The following TLR2 variants were observed in gnomAD, a reference collection of about 807,000 sequenced individuals.
TLR2 encodes toll-like receptor 2.
In TLR2, 7 loss-of-function variants were observed where a neutral mutation model predicts 9.1. That is an observed-to-expected ratio of 0.77 (90% CI 0.44 to 1.44). The LOEUF is 1.44. TLR2 is among the 40% of genes most tolerant of loss of function. TLR2 has a pLI of 0.01. For synonymous variants in TLR2, 317 were observed against 344.6 expected, an observed-to-expected ratio of 0.92 and a Z score of 0.89; for missense variants, 812 against 904.6, an observed-to-expected ratio of 0.90 and a Z score of 1.31.
At chr4:153,700,639 A>G (rs1280993201) in intron 2 of TLR2, among the ~76,000 whole-genome samples, 1 of 152,248 alleles carries the variant, frequency 6.6e-6, no homozygotes, top group Admixed American at 6.5e-5. Context: ...TTGAAGAAGA[A>G]CAAGGAGGAA....
In TLR2 at chr4:153,703,841, T is replaced by TTA. The variant is rs1161269762; in HGVS notation, c.935_936dup (p.Thr313Ter). The stretch of plus-strand genomic sequence containing the variant: ...TATAGATCCAGGTAAAGTGGAAACG[T>TTA]TAACAATCCGGAGGCTGCATATTCC... On this transcript the variant is annotated frameshift_variant, in exon 3 of 3. Transcript: ENST00000642700. LOFTEE classifies it low-confidence loss of function (END_TRUNC). 6.2e-7 allele frequency: 1 copy of TTA among 1,613,926 alleles called. No homozygotes were observed. The highest frequency in any genetic ancestry group is 8.5e-7 in the Non-Finnish European group (1 of 1,179,998).
intron 2 of TLR2, among the ~76,000 whole-genome samples, chr4:153,690,588 C>T (rs548085990): frequency 2.2e-4 from 34 of 152,282 alleles, no homozygotes; most frequent in South Asian, 1.0e-3. Flanking sequence ...GTCTCCCAAA[C>T]GAGGGAACGT....
intron 2 of TLR2, among the ~76,000 whole-genome samples, chr4:153,700,193 T>A (rs1736787646): frequency 6.6e-6 from 1 of 152,128 alleles, no homozygotes; most frequent in South Asian, 2.1e-4. Context: ...ACCAAGCCAT[T>A]CATGAGGGGT....
rs1267236888 is a variant in TLR2, at chr4:153,704,686, C to T, written c.1779C>T (p.Gly593=). The T allele has an allele frequency of 1.2e-6, 2 of 1,613,558 alleles. No individual in the cohort carries two copies. Among genetic ancestry groups the T allele is most frequent in the Middle Eastern group, 1.6e-4 (1 of 6,084 alleles). ...GTCACAGGACAGCACTGGTGTCTGGCATGTGCTGTGCTCTGTTCCTGCTGA... is the reference window on the plus strand; with the variant it reads ...GTCACAGGACAGCACTGGTGTCTGGTATGTGCTGTGCTCTGTTCCTGCTGA... ...SECHRTALVS[G]MCCALFLLIL... The change falls in exon 3 of 3, where the codon GGC becomes GGT. Residue 593 remains glycine (G), a synonymous_variant. Transcript: ENST00000642700.
Position 153,704,715 on chromosome 4 carries a change from T to C in TLR2, c.1808T>C (p.Leu603Pro), listed in dbSNP as rs1180000139. The C allele has an allele frequency of 6.2e-7, 1 of 1,614,050 alleles. No homozygotes were observed. Among genetic ancestry groups the C allele is most frequent in the Non-Finnish European group, 8.5e-7 (1 of 1,180,008 alleles). Residue 603 changes from leucine to proline, a missense_variant, in exon 3 of 3, where the codon CTG becomes CCG. Leu to Pro is a moderately conservative substitution (Grantham distance 98, BLOSUM62 -3). Coordinates refer to ENST00000642700, the MANE Select transcript of TLR2 (RefSeq NM_001318789.2). ...GMCCALFLLILLTGVLCHRFH... is the reference protein window; with the variant it reads ...GMCCALFLLIPLTGVLCHRFH... ...TGCTGTGCTCTGTTCCTGCTGATCC[T>C]GCTCACGGGGGTCCTGTGCCACCGT... is the stretch of plus-strand genomic sequence containing the variant.
chr4:153,699,603 T>C lies in TLR2; in HGVS notation c.-16-3289T>C, dbSNP rs144843288. ...TAAATAACAGGATTGCCTTGAACTA[T>C]CTGTTGGTTTGTAGTGGGGCAGGGG... On this transcript the variant is annotated intron_variant, in intron 2 of 2. Coordinates refer to ENST00000642700, the MANE Select transcript of TLR2 (RefSeq NM_001318789.2). Among the ~76,000 whole-genome samples the C allele has an allele frequency of 5.2e-3, 791 of 152,302 alleles. 9 individuals carry two copies. The highest frequency in any genetic ancestry group is 0.018 in the African/African-American group (729 of 41,556).
intron 2 of TLR2, among the ~76,000 whole-genome samples, chr4:153,695,781 T>C (rs1030233184): frequency 2.6e-5 from 4 of 152,212 alleles, no homozygotes; most frequent in African/African-American, 9.6e-5. Flanking sequence ...GTTTTCTTAA[T>C]GTTTTCTTTT....
chr4:153,695,193 G>T (rs1025950901), intron 2 of TLR2, among the ~76,000 whole-genome samples: 1 of 152,184 alleles, frequency 6.6e-6, no homozygotes, highest in Admixed American at 6.5e-5. Context: ...ATACCTAGCA[G>T]TGGGATTGCT....
intron 1 of TLR2, among the ~76,000 whole-genome samples, chr4:153,687,022 AC>A (rs549775840): frequency 7.2e-4 from 110 of 152,332 alleles, no homozygotes; most frequent in African/African-American, 2.4e-3. Flanking sequence ...GTAGAAAAGA[AC>A]AGAAAAACTT....
intron 2 of TLR2, among the ~76,000 whole-genome samples, chr4:153,694,202 G>A (rs182887574): frequency 6.4e-4 from 98 of 152,326 alleles, no homozygotes; most frequent in Non-Finnish European, 1.1e-3. Context: ...GCAGGAACAC[G>A]TCCTTAAGGC....
chr4:153,692,705 G>A (rs1043123998), intron 2 of TLR2, among the ~76,000 whole-genome samples: 3 of 152,152 alleles, frequency 2.0e-5, no homozygotes, highest in Admixed American at 6.5e-5. Flanking sequence ...CCCCATTGTT[G>A]TAATAAATCT....
intron 2 of TLR2, among the ~76,000 whole-genome samples, chr4:153,691,044 C>G (rs1736077171): frequency 1.3e-5 from 2 of 152,162 alleles, no homozygotes; most frequent in South Asian, 4.1e-4. Flanking sequence ...ATATCAAAAG[C>G]AGTCAATACC....
rs373000861 is a variant in TLR2 at position 153,696,160 on chromosome 4, CT to C, written c.-16-6728del. 5.6e-4 allele frequency among the ~76,000 whole-genome samples: 85 copies of C among 152,126 alleles called. 1 individual carries two copies. The East Asian group carries it at 0.016, about 28-fold the overall frequency. On this transcript the variant is annotated intron_variant, in intron 2 of 2. Coordinates refer to ENST00000642700, the MANE Select transcript of TLR2 (RefSeq NM_001318789.2). ...CAGAATAGCTCTGGCTATTCTGGGT[CT>C]TTTGTGGTTTCATGTAAATTTTAGG... is the stretch of plus-strand genomic sequence containing the variant.
chr4:153,688,374 G>T, intron 2 of TLR2: 1 of 152,476 alleles, frequency 6.6e-6, no homozygotes, highest in South Asian at 2.1e-4. Context: ...GGACTGCTGA[G>T]ACCAGCTCGG....
chr4:153,709,162 T>C (rs1173432451), downstream of TLR2, among the ~76,000 whole-genome samples: 1 of 152,210 alleles, frequency 6.6e-6, no homozygotes, highest in Non-Finnish European at 1.5e-5. Flanking sequence ...ATTTCAATAA[T>C]ACTGAAGCAT....
Position 153,704,572 on chromosome 4 carries a change from G to T in TLR2, c.1665G>T (p.Leu555Phe). The change falls in exon 3 of 3, where the codon TTG becomes TTT. Residue 555 changes from leucine to phenylalanine, a missense_variant. Transcript: ENST00000642700. ...TQEQQALAKV[L>F]IDWPANYLCD... is the part of the protein sequence containing the mutation. ...AGCAGCAAGCACTGGCCAAAGTCTT[G>T]ATTGATTGGCCAGCAAATTACCTGT... 1.2e-6 allele frequency: 2 copies of T among 1,613,664 alleles called. No homozygotes were observed. The highest frequency in any genetic ancestry group is 1.7e-6 in the Non-Finnish European group (2 of 1,179,982).
chr4:153,697,551 A>G (rs1444383125), intron 2 of TLR2, among the ~76,000 whole-genome samples: 1 of 152,176 alleles, frequency 6.6e-6, no homozygotes, highest in Non-Finnish European at 1.5e-5. Flanking sequence ...CTGTGATCCT[A>G]TTTTAATCAG....
At chr4:153,698,321 G>A (rs1413041757) in intron 2 of TLR2, among the ~76,000 whole-genome samples, 1 of 152,124 alleles carries the variant, frequency 6.6e-6, no homozygotes, top group Non-Finnish European at 1.5e-5. Context: ...AGCCAGTACT[G>A]AAATTGTTAA....
chr4:153,704,669 A>T lies in TLR2; in HGVS notation c.1762A>T (p.Thr588Ser). The change falls in exon 3 of 3, where the codon ACA becomes TCA. Residue 588 changes from threonine to serine, a missense_variant. Physicochemically the swap from Thr to Ser is moderately conservative, Grantham distance 58. Transcript: ENST00000642700. ...VRLSVSECHRTALVSGMCCAL... is the reference protein window; with the variant it reads ...VRLSVSECHRSALVSGMCCAL... ...CCTCTCGGTGTCGGAATGTCACAGG[A>T]CAGCACTGGTGTCTGGCATGTGCTG... The T allele has an allele frequency of 1.2e-6, 2 of 1,613,210 alleles. No homozygotes were observed. The highest frequency in any genetic ancestry group is 1.7e-6 in the Non-Finnish European group (2 of 1,179,836).
Sources: gnomAD v4.1 joint callset for allele counts (sites outside exome capture counted in the v4.1 genomes callset) on GRCh38, gnomAD v4.1.1 for gene constraint, MANE v1.5 for transcripts, NCBI Gene and HGNC (gene_info 2026-07-23, HGNC 2026-07-21) for gene names.